Variants in UCK2 observed in about 807,000 individuals in gnomAD.
UCK2 encodes uridine-cytidine kinase 2.
UCK2 carries 6 observed loss-of-function variants against 30.8 expected under a neutral mutation model. That is an observed-to-expected ratio of 0.19 (90% CI 0.11 to 0.38). The LOEUF is 0.38. Ranked by LOEUF, UCK2 falls within the 10% of genes least tolerant of loss-of-function variation. UCK2 has a pLI of 1.00. For missense variants in UCK2, 210 were observed against 339.8 expected (o/e 0.62, Z 3.00); for synonymous variants, 125 against 133.6 (o/e 0.94, Z 0.45).
At chr1:165,871,177 G>A (rs138977391) in intron 1 of UCK2, among the ~76,000 whole-genome samples, 2 of 152,036 alleles carry the variant, frequency 1.3e-5, no homozygotes, top group African/African-American at 4.8e-5. Context: ...GTGTGTGCGT[G>A]TGCGTTTGCT....
intron 1 of UCK2, among the ~76,000 whole-genome samples, chr1:165,889,606 G>C (rs1655711449): frequency 6.6e-6 from 1 of 151,154 alleles, no homozygotes; most frequent in Non-Finnish European, 1.5e-5. Flanking sequence ...AGTAAGCTGT[G>C]TTAAGGGAAG....
chr1:165,830,143 C>T (rs1386306915), intron 1 of UCK2, among the ~76,000 whole-genome samples: 3 of 151,684 alleles, frequency 2.0e-5, no homozygotes, highest in Non-Finnish European at 4.4e-5. Context: ...GTAGCTGAGA[C>T]TACAGGCTTG....
In UCK2 at chr1:165,858,957, G is replaced by A. The variant is rs147974416; in HGVS notation, c.99+31025G>A. 9.8e-5 allele frequency among the ~76,000 whole-genome samples: 15 copies of A among 152,292 alleles called. No homozygotes were observed. The East Asian group carries it at 2.5e-3, about 25-fold the overall frequency. ...GCTACATAAGTGTTGAAAGGGCTGC[G>A]TAAACCAGAAATCAAATTCTGTAGA... is the stretch of plus-strand genomic sequence containing the variant. On this transcript the variant is annotated intron_variant, in intron 1 of 6. Transcript: ENST00000367879.
At chr1:165,865,806 AC>A (rs1655031377) in intron 1 of UCK2, among the ~76,000 whole-genome samples, 1 of 152,204 alleles carries the variant, frequency 6.6e-6, no homozygotes, top group South Asian at 2.1e-4. Context: ...CACAGTCGTA[AC>A]GACCAATTAC....
intron 1 of UCK2, among the ~76,000 whole-genome samples, chr1:165,863,868 G>T (rs1038146628): frequency 4.9e-4 from 75 of 152,302 alleles, no homozygotes; most frequent in Non-Finnish European, 1.9e-4. Context: ...TATATAGAAA[G>T]CATGTATTAT....
chr1:165,845,343 T>A (rs532514194), intron 1 of UCK2, among the ~76,000 whole-genome samples: 23 of 152,334 alleles, frequency 1.5e-4, no homozygotes, highest in Non-Finnish European at 3.1e-4. Context: ...GCACTCTTCC[T>A]CAGAGGTTAG....
At chr1:165,877,872 T>G (rs940170041) in intron 1 of UCK2, among the ~76,000 whole-genome samples, 2 of 152,194 alleles carry the variant, frequency 1.3e-5, no homozygotes. Context: ...GAGGAAAAGA[T>G]AGAGATTTCT....
At chr1:165,906,643 C>T (rs547743383) in intron 6 of UCK2, among the ~76,000 whole-genome samples, 107 of 152,362 alleles carry the variant, frequency 7.0e-4, no homozygotes, top group Middle Eastern at 3.4e-3. Flanking sequence ...GTTAGGATTA[C>T]AGGCGTGAGC....
In UCK2 at chr1:165,903,296, G is replaced by C. The variant is rs568773826; in HGVS notation, c.597+17G>C. On this transcript the variant is annotated intron_variant, in intron 5 of 6. Transcript: ENST00000367879. ...TGCTTGCCAGTGAGTTGTGTTCTTG[G>C]TTTGTTTTTGTTGAATGTAGAATTT... The C allele has an allele frequency of 2.5e-6, 4 of 1,606,824 alleles. No individual in the cohort carries two copies. In the African/African-American group the frequency reaches 5.4e-5, roughly 22 times the overall value.
At chr1:165,861,763 A>G (rs1196286471) in intron 1 of UCK2, among the ~76,000 whole-genome samples, 1 of 152,042 alleles carries the variant, frequency 6.6e-6, no homozygotes, top group Non-Finnish European at 1.5e-5. Context: ...AACTCAGGTT[A>G]AAGGAGGTTA....
intron 1 of UCK2, among the ~76,000 whole-genome samples, chr1:165,841,095 G>T (rs78354306): frequency 0.053 from 4,172 of 78,868 alleles, 199 homozygotes; most frequent in African/African-American, 0.16. Context: ...GTGTGCACAC[G>T]TATGTGTGTG....
At chr1:165,881,412 C>A (rs1655498893) in intron 1 of UCK2, among the ~76,000 whole-genome samples, 1 of 151,986 alleles carries the variant, frequency 6.6e-6, no homozygotes, top group African/African-American at 2.4e-5. Context: ...AAGTTTGTTA[C>A]TTGGCATGAG....
At chr1:165,895,641 C>T (rs556884894) in intron 3 of UCK2, 43 of 985,742 alleles carry the variant, frequency 4.4e-5, no homozygotes, top group East Asian at 1.1e-4. Context: ...AATGCTTTCT[C>T]GTCTGTATCC....
intron 1 of UCK2, among the ~76,000 whole-genome samples, chr1:165,848,848 A>G (rs2101856676): frequency 6.6e-6 from 1 of 152,316 alleles, no homozygotes; most frequent in East Asian, 1.9e-4. Flanking sequence ...TAAGCCCACC[A>G]TATTTCAGAA....
intron 1 of UCK2, among the ~76,000 whole-genome samples, chr1:165,874,505 A>G (rs1253124830): frequency 6.6e-6 from 1 of 152,144 alleles, no homozygotes; most frequent in African/African-American, 2.4e-5. Context: ...CAGCCTCCCA[A>G]AACAAAGGTC....
At chr1:165,888,142 T>C (rs1474999218) in intron 1 of UCK2, among the ~76,000 whole-genome samples, 1 of 152,216 alleles carries the variant, frequency 6.6e-6, no homozygotes, top group Non-Finnish European at 1.5e-5. Flanking sequence ...AACACAACTT[T>C]ATAAGAATTG....
chr1:165,890,058 C>A, intron 1 of UCK2, 146 bp from the exon 2 acceptor site: 1 of 804,970 alleles, frequency 1.2e-6, no homozygotes, highest in Non-Finnish European at 2.0e-6. Flanking sequence ...AGCCCTTTAA[C>A]TCATCATGCA....
intron 1 of UCK2, among the ~76,000 whole-genome samples, chr1:165,838,246 C>T (rs920076679): frequency 1.3e-5 from 2 of 152,314 alleles, no homozygotes; most frequent in Admixed American, 6.5e-5. Context: ...ACATTCTATT[C>T]TCATAACAGC....
At chr1:165,864,643 A>G (rs1035077089) in intron 1 of UCK2, among the ~76,000 whole-genome samples, 1 of 152,156 alleles carries the variant, frequency 6.6e-6, no homozygotes, top group Non-Finnish European at 1.5e-5. Flanking sequence ...TTAGACAAAA[A>G]GGTTTTGGAT....
Sources: allele counts gnomAD v4.1 joint callset (sites outside exome capture counted in the v4.1 genomes callset), GRCh38; gene constraint gnomAD v4.1.1; transcripts MANE v1.5; gene names NCBI Gene and HGNC (gene_info 2026-07-23, HGNC 2026-07-21).